PRRX2: variants seen among roughly 807,000 people sequenced by gnomAD.
The protein encoded by PRRX2 is paired related homeobox 2, also known as paired mesoderm homeobox protein 2.
In PRRX2, 11 loss-of-function variants were observed where a neutral mutation model predicts 18.0. The ratio of observed to expected loss-of-function variants is 0.61; its 90% CI spans 0.39 to 1.01. The LOEUF is 1.01. Among genes scored for constraint, PRRX2 ranks in the 50% least tolerant of loss-of-function variants. The pLI, the probability that PRRX2 is intolerant of heterozygous loss-of-function variation, is 0.01. For synonymous variants in PRRX2, 177 were observed against 154.8 expected (o/e 1.14, Z -1.06); for missense variants, 387 against 351.0 (o/e 1.10, Z -0.82).
At chr9:129,677,969 T>TC (rs1168414307) in intron 1 of PRRX2, among the ~76,000 whole-genome samples, 3 of 144,910 alleles carry the variant, frequency 2.1e-5, no homozygotes, top group African/African-American at 7.7e-5. Flanking sequence ...TTTTTTTTTT[T>TC]TTTTTTTTTT....
At chr9:129,677,064 T>C (rs1355138137) in intron 1 of PRRX2, among the ~76,000 whole-genome samples, 4 of 152,178 alleles carry the variant, frequency 2.6e-5, no homozygotes, top group African/African-American at 4.8e-5. Context: ...CTGCATAGGA[T>C]TCTCCTTATT....
chr9:129,705,661 A>C, intron 1 of PRRX2, among the ~76,000 whole-genome samples: 1 of 150,390 alleles, frequency 6.6e-6, no homozygotes, highest in East Asian at 2.0e-4. Flanking sequence ...GGCCCTGAAG[A>C]CTCCTTTTCT....
chr9:129,709,026 A>G lies in PRRX2; in HGVS notation c.260-10205A>G, dbSNP rs1415416923. ...GGAGAGGGAGAAGGCCTAGGAGTCC[A>G]TAACAAGGAGACCTGCGCTTGTATG... On this transcript the variant is annotated intron_variant, in intron 1 of 3. Coordinates refer to ENST00000372469, the MANE Select transcript of PRRX2 (RefSeq NM_016307.4). The surrounding 1 kb of genome is among the most constrained non-coding windows in gnomAD (Gnocchi z 4.2). Among the ~76,000 whole-genome samples the G allele has an allele frequency of 1.3e-5, 2 of 152,232 alleles. No homozygotes were observed. The highest frequency in any genetic ancestry group is 2.4e-5 in the African/African-American group (1 of 41,458).
chr9:129,696,901 G>A (rs1832431346), intron 1 of PRRX2, among the ~76,000 whole-genome samples: 1 of 152,204 alleles, frequency 6.6e-6, no homozygotes, highest in South Asian at 2.1e-4. Flanking sequence ...GGGGTGCAGC[G>A]CGGACCCCCC....
In PRRX2 at chr9:129,666,022, C is replaced by T; in HGVS notation, c.155C>T (p.Ala52Val). ...HLLDLEEVAA[A>V]GRLAARPGAR... is the part of the protein sequence containing the mutation. ...CTGGACCTGGAAGAGGTGGCGGCGGCCGGGCGGCTGGCGGCGCGCCCCGGG... is the reference window on the plus strand; with the variant it reads ...CTGGACCTGGAAGAGGTGGCGGCGGTCGGGCGGCTGGCGGCGCGCCCCGGG... Residue 52 changes from alanine (A) to valine (V), a missense_variant, in exon 1 of 4, where the codon GCC becomes GTC. Transcript: ENST00000372469. 9.4e-7 allele frequency: 1 copy of T among 1,061,968 alleles called. No individual in the cohort carries two copies. Among genetic ancestry groups the T allele is most frequent in the Non-Finnish European group, 1.1e-6 (1 of 882,978 alleles). 65.8% of individuals were successfully genotyped at this position (1,061,968 alleles called of 1,614,324 possible).
At chr9:129,697,774 C>T (rs559488460) in intron 1 of PRRX2, among the ~76,000 whole-genome samples, 6 of 152,220 alleles carry the variant, frequency 3.9e-5, no homozygotes, top group East Asian at 1.9e-4. Flanking sequence ...AACCTGCCCC[C>T]CTGCTAGCGC....
Position 129,722,342 on chromosome 9 carries a change from C to T in PRRX2, c.752C>T (p.Thr251Met), listed in dbSNP as rs143523637. 3.5e-5 allele frequency: 57 copies of T among 1,613,920 alleles called. 1 individual carries two copies. Among genetic ancestry groups the T allele is most frequent in the Admixed American group, 3.0e-4 (18 of 60,008 alleles). Residue 251 changes from threonine to methionine, a missense_variant, in exon 4 of 4, where the codon ACG becomes ATG. Coordinates refer to ENST00000372469, the MANE Select transcript of PRRX2 (RefSeq NM_016307.4). ...EFSLHHSQVP[T>M]VN ...AGCCTGCACCACAGCCAGGTGCCTA[C>T]GGTGAACTGAAGTCCAGTCCCACCA...
chr9:129,670,249 G>A (rs1470318643), intron 1 of PRRX2, among the ~76,000 whole-genome samples: 1 of 151,764 alleles, frequency 6.6e-6, no homozygotes, highest in Non-Finnish European at 1.5e-5. Flanking sequence ...AGACACGTGG[G>A]TTGTTCCCAT....
rs1262188912 is a variant in PRRX2, at chr9:129,715,766, A to T, written c.260-3465A>T. Among the ~76,000 whole-genome samples, 6 of 147,572 alleles carry T rather than the reference A, an allele frequency of 4.1e-5. No individual in the cohort carries two copies. In the South Asian group the frequency reaches 6.5e-4, roughly 16 times the overall value. The stretch of plus-strand genomic sequence containing the variant: ...ACATCTTTCTCACACACACACACAC[A>T]CACACACACACACACACACACACAC... On this transcript the variant is annotated intron_variant, in intron 1 of 3. Transcript: ENST00000372469. The surrounding 1 kb of genome is among the most constrained non-coding windows in gnomAD (Gnocchi z 4.0).
chr9:129,710,628 G>A (rs1227737713), intron 1 of PRRX2, among the ~76,000 whole-genome samples: 1 of 152,200 alleles, frequency 6.6e-6, no homozygotes, highest in Non-Finnish European at 1.5e-5. Context: ...AACTACTCGG[G>A]AGGCTGAAGC....
chr9:129,691,531 C>A (rs1444917909), intron 1 of PRRX2, among the ~76,000 whole-genome samples: 1 of 152,018 alleles, frequency 6.6e-6, no homozygotes, highest in African/African-American at 2.4e-5. Context: ...ATTTCGTCTT[C>A]ATTGATGTTA....
chr9:129,697,088 G>C (rs1402607354), intron 1 of PRRX2, among the ~76,000 whole-genome samples: 1 of 152,234 alleles, frequency 6.6e-6, no homozygotes, highest in African/African-American at 2.4e-5. Flanking sequence ...ATAGGCGCCC[G>C]GCCCGGCCTG....
intron 1 of PRRX2, among the ~76,000 whole-genome samples, chr9:129,683,923 C>G (rs906575365): frequency 6.6e-6 from 1 of 152,148 alleles, no homozygotes; most frequent in Non-Finnish European, 1.5e-5. Context: ...CTGTCCCTAC[C>G]CTCTTCCTGT....
Position 129,720,723 on chromosome 9 carries a change from C to T in PRRX2, c.575C>T (p.Pro192Leu). 1 of 1,612,220 alleles carries T rather than the reference C, an allele frequency of 6.2e-7. No individual in the cohort carries two copies. Among genetic ancestry groups the T allele is most frequent in the Non-Finnish European group, 8.5e-7 (1 of 1,179,314 alleles). Residue 192 changes from proline (P) to leucine (L), a missense_variant, in exon 3 of 4, where the codon CCC becomes CTC. Physicochemically the swap from Pro to Leu is moderately conservative, Grantham distance 98. Transcript: ENST00000372469. ...ATCGAGCAGCCCGTGGCTCCCCGGC[C>T]CACCGCCCTGAGTCCAGATTATCTC... ...AAIEQPVAPRPTALSPDYLSW... is the reference protein window; with the variant it reads ...AAIEQPVAPRLTALSPDYLSW...
chr9:129,722,129 G>T, intron 3 of PRRX2, 88 bp from the exon 4 acceptor site: 14 of 1,525,402 alleles, frequency 9.2e-6, no homozygotes, highest in Non-Finnish European at 1.1e-5. Context: ...AGCTAAGGAG[G>T]GGGGTGGCAG....
Position 129,666,156 on chromosome 9 carries a change from GCGGGGC to G in PRRX2, c.259+55_259+60del, listed in dbSNP as rs551101163. ...GTACGGCCGGCCAGGGACGGGGGTG[GCGGGGC>G]CGGGGCCGGGGCCGGGGCCGGGGCG... On this transcript the variant is annotated intron_variant, in intron 1 of 3. Transcript: ENST00000372469. 3,993 of 923,738 alleles carry G rather than the reference GCGGGGC, an allele frequency of 4.3e-3. 98 individuals are homozygous for G. In the African/African-American group the frequency reaches 0.055, roughly 13 times the overall value. 57.2% of individuals were successfully genotyped at this position (923,738 alleles called of 1,614,324 possible).
In PRRX2 at chr9:129,666,068, G is replaced by A; in HGVS notation, c.201G>A (p.Glu67=). Residue 67 remains glutamate (E), a synonymous_variant, in exon 1 of 4, where the codon GAG becomes GAA. Transcript: ENST00000372469. ...CCGGGGCCAGGGCCGAGGCGCGGGA[G>A]GGCGCAGCACGGGAGCCGTCCGGGG... is the stretch of plus-strand genomic sequence containing the variant. ...ARPGARAEAR[E]GAAREPSGGS... 1 of 1,043,232 alleles carries A rather than the reference G, an allele frequency of 9.6e-7. No homozygotes were observed. Among genetic ancestry groups the A allele is most frequent in the Non-Finnish European group, 1.1e-6 (1 of 870,640 alleles). The allele number at this position is 1,043,232 out of a possible 1,614,324, so 64.6% of individuals were successfully genotyped here.
rs550393996 is a variant in PRRX2, at chr9:129,675,225, C to T, written c.259+9099C>T. On this transcript the variant is annotated intron_variant, in intron 1 of 3. Transcript: ENST00000372469. This position sits in a 1 kb window ranked among gnomAD's most constrained non-coding sequence, Gnocchi z 4.4. ...CATCCCCAGGGACTGGATTTTGTGC[C>T]AAAGCTGCACTGCCGGGTCTAGGAG... Among the ~76,000 whole-genome samples the T allele has an allele frequency of 2.6e-5, 4 of 152,204 alleles. No homozygotes were observed. Among genetic ancestry groups the T allele is most frequent in the Non-Finnish European group, 5.9e-5 (4 of 68,018 alleles).
rs533052725 is a variant in PRRX2, at chr9:129,717,171, G to A, written c.260-2060G>A. On this transcript the variant is annotated intron_variant, in intron 1 of 3. Transcript: ENST00000372469. ...AAGCGATTCTTGTGCCTCAGCCTCT[G>A]GAGTAACTGGGATTCCAGACACTTG... Among the ~76,000 whole-genome samples, 19 of 152,136 alleles carry A rather than the reference G, an allele frequency of 1.2e-4. No homozygotes were observed. In the South Asian group the frequency reaches 3.3e-3, roughly 27 times the overall value.
Sources: gnomAD v4.1 joint callset for allele counts (sites outside exome capture counted in the v4.1 genomes callset) on GRCh38, gnomAD v4.1.1 for gene constraint, Gnocchi (gnomAD v3.1) non-coding constraint, MANE v1.5 for transcripts, NCBI Gene and HGNC (gene_info 2026-07-23, HGNC 2026-07-21) for gene names.